The following SCRIB variants were observed in gnomAD, a reference collection of about 807,000 sequenced individuals.
SCRIB encodes protein scribble homolog.
A neutral mutation model predicts 170.0 loss-of-function variants in SCRIB; 72 were observed. The ratio of observed to expected loss-of-function variants is 0.42; its 90% CI spans 0.35 to 0.52. SCRIB has a LOEUF of 0.52. Ranked by LOEUF, SCRIB falls within the 20% of genes least tolerant of loss-of-function variation. The pLI is 0.02. For missense variants in SCRIB, 2,475 were observed against 2,338.5 expected, an observed-to-expected ratio of 1.06 and a Z score of -1.20; for synonymous variants, 1,298 against 1,044.3, an observed-to-expected ratio of 1.24 and a Z score of -4.68.
intron 32 of SCRIB, 24 bp downstream of exon 32, chr8:143,792,196 T>C (rs7461245): frequency 1 from 1,548,480 of 1,551,538 alleles, 772,750 homozygotes; most frequent in East Asian, 1. Context: ...CAGGGCGGGG[T>C]GGCGACCCCA....
At position 143,794,944 on chromosome 8, in the gene SCRIB, G is replaced by A. The variant is rs1459790409; in HGVS notation, c.3846+94C>T. ...CTCCCACCCCAGCCCCCGCCCAAAG[G>A]TTCCCTCCCGGATGGCCCTGGCGTT... On this transcript the variant is annotated intron_variant, in intron 27 of 36. Coordinates refer to ENST00000356994, the MANE Select transcript of SCRIB (RefSeq NM_182706.5). The A allele has an allele frequency of 4.6e-6, 6 of 1,296,372 alleles. No individual in the cohort carries two copies. The East Asian group carries it at 1.2e-4, about 25-fold the overall frequency. The allele number at this position is 1,296,372 out of a possible 1,614,324, so 80.3% of individuals were successfully genotyped here. A position where few individuals can be genotyped will look rare whatever the true frequency, so the allele number is the denominator to read the frequency against.
At chr8:143,799,525 G>A (rs1235313653) in intron 24 of SCRIB, among the ~76,000 whole-genome samples, 3 of 152,204 alleles carry the variant, frequency 2.0e-5, no homozygotes, top group Non-Finnish European at 2.9e-5. Context: ...TGCCAAACAC[G>A]CGGGGTAGCG....
Position 143,792,278 on chromosome 8 carries a change from A to G in SCRIB, c.4456T>C (p.Ser1486Pro). The change falls in exon 32 of 37, where the codon TCC becomes CCC. Residue 1486 changes from serine (S) to proline (P), a missense_variant. By Grantham distance (74) the Ser-to-Pro change is moderately conservative (BLOSUM62 -1). Around this residue, in one of 3 missense-constraint regions of SCRIB, gnomAD observed 1,966 missense variants for 1,742.9 expected, o/e 1.13. Coordinates refer to ENST00000356994, the MANE Select transcript of SCRIB (RefSeq NM_182706.5). ...TCCAGGGCCCGGAGCTCGGCAGGGG[A>G]CAGGGCACGCTCGGGTGCCGGTGGC... ...PEPPAPERAL[S>P]PAELRALEAE... The G allele has an allele frequency of 6.4e-7, 1 of 1,568,764 alleles. No individual in the cohort carries two copies.
At chr8:143,809,810 G>A (rs1426449600) in intron 13 of SCRIB, 92 bp from the exon 14 acceptor site, 13 of 1,415,280 alleles carry the variant, frequency 9.2e-6, no homozygotes, top group Non-Finnish European at 1.2e-5. Context: ...CCTTCCCTGA[G>A]CTTCCCGCTG....
chr8:143,810,370 G>A (rs1815650798), intron 13 of SCRIB, 109 bp downstream of exon 13: 8 of 1,464,896 alleles, frequency 5.5e-6, no homozygotes, highest in Non-Finnish European at 7.4e-6. Context: ...CTCATCTCCT[G>A]CTCCTTCTCT....
intron 24 of SCRIB, among the ~76,000 whole-genome samples, chr8:143,797,233 T>C (rs1587513785): frequency 1.3e-5 from 2 of 152,196 alleles, no homozygotes; most frequent in Non-Finnish European, 2.9e-5. Context: ...GCTGGGACAA[T>C]TTGAGCCTCA....
intron 1 of SCRIB, 88 bp downstream of exon 1, chr8:143,815,126 G>A: frequency 2.2e-6 from 3 of 1,373,682 alleles, no homozygotes; most frequent in Non-Finnish European, 1.9e-6. Context: ...GCTGGAGGCT[G>A]CGGTGACTCG....
rs542277535 is a variant in SCRIB at position 143,801,811 on chromosome 8, C to A, written c.3603+1572G>T. Among the ~76,000 whole-genome samples the A allele has an allele frequency of 3.9e-5, 6 of 152,328 alleles. No homozygotes were observed. In the South Asian group the frequency reaches 1.2e-3, roughly 32 times the overall value. On this transcript the variant is annotated intron_variant, in intron 24 of 36. Coordinates refer to ENST00000356994, the MANE Select transcript of SCRIB (RefSeq NM_182706.5). ...GCAGAAATGGTATCTGCCCCCAACA[C>A]CAGGGAGGGTGTGGAGGTGGCTCTG...
intron 15 of SCRIB, among the ~76,000 whole-genome samples, chr8:143,808,123 G>A (rs1380322444): frequency 6.6e-6 from 1 of 152,174 alleles, no homozygotes; most frequent in Non-Finnish European, 1.5e-5. Flanking sequence ...GAGGATCCCA[G>A]GAGAGCCCAG....
chr8:143,792,089 A>C lies in SCRIB; in HGVS notation c.4559T>G (p.Leu1520Arg), dbSNP rs1317378337. ...GCCCCGGCCTTCCTGGGACCTGCTG[A>C]GGACCATCTGTGCTCGGAGAGCGTC... is the stretch of plus-strand genomic sequence containing the variant. ...EQDALRAQMV[L>R]SRSQEGRGTR... Residue 1520 changes from leucine to arginine, a missense_variant, in exon 33 of 37, where the codon CTC becomes CGC. Around this residue, in one of 3 missense-constraint regions of SCRIB, gnomAD observed 1,966 missense variants for 1,742.9 expected, o/e 1.13. Transcript: ENST00000356994. 3.8e-6 allele frequency: 6 copies of C among 1,593,728 alleles called. No individual in the cohort carries two copies. Among genetic ancestry groups the C allele is most frequent in the African/African-American group, 1.3e-5 (1 of 74,678 alleles).
chr8:143,806,485 C>G lies in SCRIB; in HGVS notation c.2269-1G>C. On this transcript the variant is annotated splice_acceptor_variant, in intron 17 of 36. Coordinates refer to ENST00000356994, the MANE Select transcript of SCRIB (RefSeq NM_182706.5). LOFTEE classifies it high-confidence loss of function. Reference sequence around the variant, plus strand: ...CGGACACCCGAGAGATGAATATGCCCTAGGGCACAGACACGAGCTTGGCAG... The same window carrying G: ...CGGACACCCGAGAGATGAATATGCCGTAGGGCACAGACACGAGCTTGGCAG... 6.3e-7 allele frequency: 1 copy of G among 1,591,132 alleles called. No homozygotes were observed. Among genetic ancestry groups the G allele is most frequent in the Non-Finnish European group, 8.6e-7 (1 of 1,168,178 alleles).
At position 143,792,735 on chromosome 8, in the gene SCRIB, C is replaced by T. The variant is rs782030983; in HGVS notation, c.4150G>A (p.Asp1384Asn). Residue 1384 changes from aspartate to asparagine, a missense_variant, in exon 30 of 37, where the codon GAC becomes AAC. By Grantham distance (23) the Asp-to-Asn change is conservative (BLOSUM62 1). Coordinates refer to ENST00000356994, the MANE Select transcript of SCRIB (RefSeq NM_182706.5). ...TCCTCCTCCTGCATCTTCCGCAGGT[C>T]GTCAGCACCCACCAGGGACACGCGC... Reference protein sequence around the residue: ...PKRVSLVGADDLRKMQEEEAR... With the variant: ...PKRVSLVGADNLRKMQEEEAR... 7 of 1,590,658 alleles carry T rather than the reference C, an allele frequency of 4.4e-6. No homozygotes were observed. The highest frequency in any genetic ancestry group is 3.4e-5 in the South Asian group (3 of 88,798).
chr8:143,812,858 A>T lies in SCRIB; in HGVS notation c.746T>A (p.Leu249Gln). The T allele has an allele frequency of 6.2e-7, 1 of 1,606,470 alleles. No homozygotes were observed. The highest frequency in any genetic ancestry group is 1.1e-5 in the South Asian group (1 of 91,070). ...LGGLVLLTDLLLSQNLLRRLP... is the reference protein window; with the variant it reads ...LGGLVLLTDLQLSQNLLRRLP... ...CCTCCGCAGCAGGTTCTGGGACAGCAGCAGGTCAGTGAGCAGCACCAGCCC... is the reference window on the plus strand; with the variant it reads ...CCTCCGCAGCAGGTTCTGGGACAGCTGCAGGTCAGTGAGCAGCACCAGCCC... The change falls in exon 8 of 37, where the codon CTG becomes CAG. Residue 249 changes from leucine to glutamine, a missense_variant. By Grantham distance (113) the Leu-to-Gln change is moderately radical (BLOSUM62 -2). Coordinates refer to ENST00000356994, the MANE Select transcript of SCRIB (RefSeq NM_182706.5).
Position 143,804,470 on chromosome 8 carries a change from C to T in SCRIB, c.3009+98G>A, listed in dbSNP as rs1458840859. On this transcript the variant is annotated intron_variant, in intron 21 of 36. Coordinates refer to ENST00000356994, the MANE Select transcript of SCRIB (RefSeq NM_182706.5). ...AAGGGCGAGCAGGCCGGCTTCCCAC[C>T]TGGAGTGGGCCGCAAGGCCATAAGA... 2.5e-5 allele frequency: 33 copies of T among 1,312,106 alleles called. 1 individual carries two copies. In the Admixed American group the frequency reaches 8.6e-4, roughly 34 times the overall value. 81.3% of individuals were successfully genotyped at this position (1,312,106 alleles called of 1,614,324 possible).
At chr8:143,808,457 C>T (rs1039701099) in intron 15 of SCRIB, 152 bp downstream of exon 15, 19 of 892,994 alleles carry the variant, frequency 2.1e-5, no homozygotes, top group Admixed American at 1.7e-4. Context: ...TGAGAGTGGC[C>T]GTGATGCCGA....
At chr8:143,800,709 T>A (rs1815137464) in intron 24 of SCRIB, among the ~76,000 whole-genome samples, 1 of 152,228 alleles carries the variant, frequency 6.6e-6, no homozygotes, top group Non-Finnish European at 1.5e-5. Flanking sequence ...ACCCCGTTTC[T>A]ACAGAAAACT....
intron 24 of SCRIB, among the ~76,000 whole-genome samples, chr8:143,797,433 C>T (rs1410249786): frequency 1.3e-5 from 2 of 152,206 alleles, no homozygotes; most frequent in African/African-American, 4.8e-5. Flanking sequence ...TGTCGCCAAC[C>T]ACCTCGGGGC....
At chr8:143,796,659 C>T (rs947469950) in intron 24 of SCRIB, among the ~76,000 whole-genome samples, 9 of 152,192 alleles carry the variant, frequency 5.9e-5, no homozygotes, top group East Asian at 1.9e-4. Context: ...ACGCGAGTGT[C>T]GTAAAAGCAC....
intron 17 of SCRIB, 147 bp from the exon 18 acceptor site, chr8:143,806,631 T>C: frequency 1.4e-6 from 1 of 692,654 alleles, no homozygotes; most frequent in South Asian, 1.8e-5. Context: ...CACTGTGGGA[T>C]CCTGAGTGCC....
Sources: allele counts gnomAD v4.1 joint callset (sites outside exome capture counted in the v4.1 genomes callset), GRCh38; gene constraint gnomAD v4.1.1; regional missense constraint gnomAD v4.1.1; transcripts MANE v1.5; gene names NCBI Gene and HGNC (gene_info 2026-07-23, HGNC 2026-07-21).